Variants in MMS22L observed in about 807,000 individuals in gnomAD.
MMS22L encodes MMS22 like, DNA repair protein, also known as protein MMS22-like.
In MMS22L, 74 loss-of-function variants were observed where a neutral mutation model predicts 159.1. The ratio of observed to expected loss-of-function variants is 0.47; its 90% CI spans 0.39 to 0.56. The LOEUF (loss-of-function observed/expected upper bound fraction) is 0.56. Among genes scored for constraint, MMS22L ranks in the 20% least tolerant of loss-of-function variants. The pLI, the probability that MMS22L is intolerant of heterozygous loss-of-function variation, is 0.00. For missense variants in MMS22L, 1,351 were observed against 1,422.1 expected (o/e 0.95, Z 0.80); for synonymous variants, 517 against 506.9 (o/e 1.02, Z -0.27).
chr6:97,208,242 T>G (rs1203448959), intron 14 of MMS22L, among the ~76,000 whole-genome samples: 1 of 152,124 alleles, frequency 6.6e-6, no homozygotes, highest in Non-Finnish European at 1.5e-5. Flanking sequence ...ATTTTTGTAT[T>G]ATTAGCCTTT....
chr6:97,267,918 G>A lies in MMS22L; in HGVS notation c.782C>T (p.Thr261Ile), dbSNP rs755639763. The A allele has an allele frequency of 6.2e-6, 10 of 1,609,178 alleles. No homozygotes were observed. Among genetic ancestry groups the A allele is most frequent in the Non-Finnish European group, 8.5e-6 (10 of 1,178,490 alleles). Residue 261 changes from threonine to isoleucine, a missense_variant, in exon 8 of 25, where the codon ACT (threonine) becomes ATT (isoleucine). Thr to Ile is a moderately conservative substitution (Grantham distance 89). Transcript: ENST00000683635. ...CAGGCTTATTAAATCACAAAGGAGA[G>A]TTTCACAATGTTCTTCAAATAGGCT... is the stretch of plus-strand genomic sequence containing the variant. ...NISLFEEHCETLLCDLISLSL... is the reference protein window; with the variant it reads ...NISLFEEHCEILLCDLISLSL...
rs1804752702 is a variant in MMS22L, at chr6:97,181,918, A to G, written c.2370T>C (p.His790=). 2 of 1,612,742 alleles carry G rather than the reference A, an allele frequency of 1.2e-6. No individual in the cohort carries two copies. The highest frequency in any genetic ancestry group is 1.7e-5 in the Admixed American group (1 of 59,838). The change falls in exon 16 of 25, where the codon CAT becomes CAC. Residue 790 remains histidine (H), a synonymous_variant. Transcript: ENST00000683635. ...AAAGCACGTACCTATTTTGTAGGAC[A>G]TGACTTAAATATCTTGCTACAACTT... The part of the protein sequence containing the change: ...CPQVVARYLS[H]VLQNSTLCEA...
chr6:97,205,049 T>C (rs35310279), intron 14 of MMS22L, among the ~76,000 whole-genome samples: 11,174 of 145,752 alleles, frequency 0.077, 723 homozygotes, highest in African/African-American at 0.18. Context: ...GTTCACACCA[T>C]TCTCCTGCCT....
intron 14 of MMS22L, among the ~76,000 whole-genome samples, chr6:97,192,955 T>C (rs1353012341): frequency 6.6e-6 from 1 of 152,204 alleles, no homozygotes; most frequent in East Asian, 1.9e-4. Context: ...CCAAACAGTC[T>C]AGCTTCAATA....
intron 19 of MMS22L, among the ~76,000 whole-genome samples, chr6:97,172,398 A>G (rs1803638844): frequency 1.3e-5 from 2 of 152,134 alleles, no homozygotes; most frequent in African/African-American, 4.8e-5. Context: ...CAGAGAAATA[A>G]AGGAAAAAAA....
At chr6:97,215,825 T>A (rs1484426069) in intron 14 of MMS22L, among the ~76,000 whole-genome samples, 1 of 152,150 alleles carries the variant, frequency 6.6e-6, no homozygotes, top group African/African-American at 2.4e-5. Context: ...TAAACCCCCC[T>A]GTTGCTATGA....
At chr6:97,205,951 A>G (rs939528170) in intron 14 of MMS22L, among the ~76,000 whole-genome samples, 3 of 152,216 alleles carry the variant, frequency 2.0e-5, no homozygotes, top group African/African-American at 7.2e-5. Context: ...AGGAAACTGC[A>G]AAACTGTGTA....
chr6:97,231,683 AATT>A, intron 12 of MMS22L, 31 bp from the exon 13 acceptor site: 1 of 1,464,748 alleles, frequency 6.8e-7, no homozygotes, highest in African/African-American at 1.4e-5. Flanking sequence ...GATAGAAAAC[AATT>A]ATTAGTCTCT....
intron 6 of MMS22L, chr6:97,270,410 T>C: frequency 5.2e-6 from 2 of 384,536 alleles, no homozygotes; most frequent in Admixed American, 3.4e-5. Flanking sequence ...AAAAGAACTT[T>C]AGACTGTCAT....
Position 97,231,558 on chromosome 6 carries a change from C to T in MMS22L, c.1397G>A (p.Cys466Tyr). The T allele has an allele frequency of 5.6e-6, 9 of 1,613,770 alleles. No individual in the cohort carries two copies. In the South Asian group the frequency reaches 9.9e-5, roughly 18 times the overall value. The stretch of plus-strand genomic sequence containing the variant: ...TAGTTCCTGATCTTGTTTATCGCAA[C>T]AGCAAGTCTTCACCATTTCAAGCAT... The part of the protein sequence containing the change: ...LSMLEMVKTC[C>Y]CDKQDQELYK... The change falls in exon 13 of 25, where the codon TGT (cysteine) becomes TAT (tyrosine). Residue 466 changes from cysteine to tyrosine, a missense_variant. By Grantham distance (194) the Cys-to-Tyr change is radical. Coordinates refer to ENST00000683635, the MANE Select transcript of MMS22L (RefSeq NM_001350599.2).
chr6:97,228,713 T>A (rs1160390159), intron 14 of MMS22L, among the ~76,000 whole-genome samples, 181 bp downstream of exon 14: 2 of 152,236 alleles, frequency 1.3e-5, no homozygotes, highest in African/African-American at 4.8e-5. Context: ...AATAGCATTT[T>A]AGTACACGGA....
At chr6:97,192,607 C>T (rs112347753) in intron 14 of MMS22L, among the ~76,000 whole-genome samples, 1 of 152,132 alleles carries the variant, frequency 6.6e-6, no homozygotes, top group Non-Finnish European at 1.5e-5. Flanking sequence ...TAGAGGCATT[C>T]GAACATCACT....
chr6:97,156,341 T>C lies in MMS22L; in HGVS notation c.3386-4474A>G, dbSNP rs138558820. Among the ~76,000 whole-genome samples the C allele has an allele frequency of 5.3e-3, 811 of 152,330 alleles. 1 individual carries two copies. Among genetic ancestry groups the C allele is most frequent in the Non-Finnish European group, 9.0e-3 (614 of 68,008 alleles). On this transcript the variant is annotated intron_variant, in intron 22 of 24. Transcript: ENST00000683635. ...TCTTTAATTAGATCCCATTTATATA[T>C]TTGGCTTTTGTTGCCGTTGCTTTTG...
intron 13 of MMS22L, chr6:97,230,925 T>C (rs1367212235): frequency 6.5e-6 from 1 of 153,974 alleles, no homozygotes; most frequent in African/African-American, 2.4e-5. Context: ...AAGTGGTAGA[T>C]GGTGGTGTAC....
At chr6:97,151,672 T>G (rs911368350) in intron 23 of MMS22L, 99 bp downstream of exon 23, 1 of 897,906 alleles carries the variant, frequency 1.1e-6, no homozygotes. Context: ...AAACAAGTAG[T>G]AACACATTAT....
chr6:97,282,400 A>C lies in MMS22L; in HGVS notation c.78T>G (p.Pro26=), dbSNP rs760698831. 5.0e-6 allele frequency: 8 copies of C among 1,614,026 alleles called. No individual in the cohort carries two copies. The highest frequency in any genetic ancestry group is 4.2e-6 in the Non-Finnish European group (5 of 1,180,022). The stretch of plus-strand genomic sequence containing the variant: ...TGTCAACAGCACAAGAAAAGTAAGG[A>C]GGTTTGCACCATTCCGTCCCCAGCT... ...ELELGTEWCK[P]PYFSCAVDNR... The change falls in exon 2 of 25, where the codon CCT becomes CCG. Residue 26 remains proline (P), a synonymous_variant. Transcript: ENST00000683635.
At chr6:97,210,088 G>A (rs1053798632) in intron 14 of MMS22L, among the ~76,000 whole-genome samples, 12 of 151,786 alleles carry the variant, frequency 7.9e-5, no homozygotes, top group African/African-American at 2.9e-4. Flanking sequence ...AATAAAATAT[G>A]GGGACCTGCC....
chr6:97,229,508 TTAAGCTA>T, intron 13 of MMS22L, 105 bp from the exon 14 acceptor site: 1 of 791,264 alleles, frequency 1.3e-6, no homozygotes, highest in South Asian at 2.4e-5. Flanking sequence ...TCATTAAATT[TTAAGCTA>T]ATTCTTTATT....
At position 97,231,563 on chromosome 6, in the gene MMS22L, A is replaced by C. The variant is rs777577981; in HGVS notation, c.1392T>G (p.Thr464=). ...SPLSMLEMVK[T]CCCDKQDQEL... ...CCTGATCTTGTTTATCGCAACAGCA[A>C]GTCTTCACCATTTCAAGCATAGACA... Residue 464 remains threonine (T), a synonymous_variant, in exon 13 of 25, where the codon ACT becomes ACG. Coordinates refer to ENST00000683635, the MANE Select transcript of MMS22L (RefSeq NM_001350599.2). 14 of 1,613,898 alleles carry C rather than the reference A, an allele frequency of 8.7e-6. No individual in the cohort carries two copies. The highest frequency in any genetic ancestry group is 1.2e-5 in the Non-Finnish European group (14 of 1,179,840).
Sources: allele counts gnomAD v4.1 joint callset (sites outside exome capture counted in the v4.1 genomes callset), GRCh38; gene constraint gnomAD v4.1.1; transcripts MANE v1.5; gene names NCBI Gene and HGNC (gene_info 2026-07-23, HGNC 2026-07-21).